AMZ1: variants seen among roughly 807,000 people sequenced by gnomAD.
The protein encoded by AMZ1 is archaelysin family metallopeptidase 1.
A neutral mutation model predicts 29.9 loss-of-function variants in AMZ1; 39 were observed. The observed-to-expected ratio is 1.30, with a 90% confidence interval of 1.01 to 1.70. The LOEUF is 1.70. AMZ1 is among the 40% of genes most tolerant of loss of function. The pLI is 0.00. For synonymous variants in AMZ1, 458 were observed against 304.0 expected (o/e 1.51, Z -5.27); for missense variants, 1,041 against 680.6 (o/e 1.53, Z -5.89).
chr7:2,750,721 C>A (rs534912959), intron 4 of AMZ1, among the ~76,000 whole-genome samples: 2 of 152,220 alleles, frequency 1.3e-5, no homozygotes, highest in East Asian at 3.9e-4. Context: ...GGCATGTTAA[C>A]AGACACACAC....
At chr7:2,721,827 T>C (rs911732656), downstream of AMZ1, among the ~76,000 whole-genome samples, 4 of 152,116 alleles carry the variant, frequency 2.6e-5, no homozygotes, top group African/African-American at 9.7e-5. Flanking sequence ...AGGTGTAATT[T>C]AAGGCACATT....
At chr7:2,680,784 C>T (rs1029801242) in intron 1 of AMZ1, among the ~76,000 whole-genome samples, 1 of 152,266 alleles carries the variant, frequency 6.6e-6, no homozygotes, top group Non-Finnish European at 1.5e-5. Context: ...TCACTGGGGG[C>T]TCCTTCCCAG....
intron 6 of AMZ1, among the ~76,000 whole-genome samples, chr7:2,711,626 G>T (rs1182027860): frequency 6.6e-6 from 1 of 152,162 alleles, no homozygotes; most frequent in Non-Finnish European, 1.5e-5. Flanking sequence ...TCACTATGTT[G>T]CCCAGGCTGG....
chr7:2,718,654 C>T lies in AMZ1; in HGVS notation c.*5776C>T, dbSNP rs966774646. Among the ~76,000 whole-genome samples the T allele has an allele frequency of 3.3e-5, 5 of 152,236 alleles. No homozygotes were observed. Among genetic ancestry groups the T allele is most frequent in the Admixed American group, 2.6e-4 (4 of 15,280 alleles). ...GCTTTCAGCAGCAGAAGGCAGTGGA[C>T]TCTTCACCATTTCTTCCAACACTTT... On this transcript the variant is annotated 3_prime_UTR_variant, in exon 7 of 7. Transcript: ENST00000683327.
rs1176603610 is a variant in AMZ1, at chr7:2,702,843, C to T, written c.426C>T (p.Cys142=). ...CGGTGGCAGCCGCGTCCATCCGCTG[C>T]TCCTCGCGGCCCAGCCGGGACTCTG... is the stretch of plus-strand genomic sequence containing the variant. The part of the protein sequence containing the change: ...LPSVAAASIR[C]SSRPSRDSDR... Residue 142 remains cysteine (C), a synonymous_variant, in exon 3 of 7, where the codon TGC becomes TGT. Coordinates refer to ENST00000683327, the MANE Select transcript of AMZ1 (RefSeq NM_001384743.1). 2 of 1,581,210 alleles carry T rather than the reference C, an allele frequency of 1.3e-6. No homozygotes were observed. Among genetic ancestry groups the T allele is most frequent in the East Asian group, 2.3e-5 (1 of 43,368 alleles).
rs899444539 is a variant in AMZ1, at chr7:2,708,816, C to T, written c.601+100C>T. On this transcript the variant is annotated intron_variant, in intron 4 of 6. Transcript: ENST00000683327. ...CCCTCTTTGCTTTTGCTTCAAGCAC[C>T]CTCCTGGTGGAAGTCAACACCTGTG... is the stretch of plus-strand genomic sequence containing the variant. 7.5e-5 allele frequency: 117 copies of T among 1,562,640 alleles called. 1 individual carries two copies. Among genetic ancestry groups the T allele is most frequent in the South Asian group, 5.8e-4 (51 of 88,292 alleles).
At chr7:2,740,481 G>A (rs1790444914) in intron 4 of AMZ1, among the ~76,000 whole-genome samples, 1 of 152,176 alleles carries the variant, frequency 6.6e-6, no homozygotes, top group Non-Finnish European at 1.5e-5. Flanking sequence ...TGATGGTGCT[G>A]CCACCCAGAT....
At chr7:2,734,179 G>A (rs1278107781) in intron 4 of AMZ1, among the ~76,000 whole-genome samples, 3 of 152,184 alleles carry the variant, frequency 2.0e-5, no homozygotes, top group Non-Finnish European at 4.4e-5. Context: ...CCAGGACCCC[G>A]TTTCAGGAAG....
chr7:2,708,580 C>T lies in AMZ1; in HGVS notation c.473-8C>T, dbSNP rs201120582. The T allele has an allele frequency of 3.1e-6, 5 of 1,611,974 alleles. No individual in the cohort carries two copies. Among genetic ancestry groups the T allele is most frequent in the Non-Finnish European group, 4.2e-6 (5 of 1,179,864 alleles). ...TCCTGACCCCATCCTCTGGCCCTCT[C>T]CCCGCAGACGGCATCCTGTCCTTCT... On this transcript the variant is annotated splice_region_variant and splice_polypyrimidine_tract_variant and intron_variant, in intron 3 of 6. Transcript: ENST00000683327.
intron 4 of AMZ1, among the ~76,000 whole-genome samples, chr7:2,758,629 C>A (rs550017337): frequency 2.6e-5 from 4 of 152,276 alleles, no homozygotes; most frequent in Middle Eastern, 3.4e-3. Context: ...GGGGGAACCC[C>A]TGAAAGGGTC....
At chr7:2,734,975 G>A (rs960011287) in intron 4 of AMZ1, among the ~76,000 whole-genome samples, 3 of 152,156 alleles carry the variant, frequency 2.0e-5, no homozygotes, top group African/African-American at 7.2e-5. Context: ...CCAAGCCCCC[G>A]TGATGTGGGA....
intron 4 of AMZ1, among the ~76,000 whole-genome samples, chr7:2,749,758 A>G (rs1170470002): frequency 6.6e-6 from 1 of 152,170 alleles, no homozygotes; most frequent in Non-Finnish European, 1.5e-5. Flanking sequence ...CAACATCTGA[A>G]ATTTTAAAAT....
At chr7:2,719,828 C>T (rs965415216), downstream of AMZ1, among the ~76,000 whole-genome samples, 1 of 151,958 alleles carries the variant, frequency 6.6e-6, no homozygotes, top group Non-Finnish European at 1.5e-5. Flanking sequence ...TTACAGGTGC[C>T]TGCCACACCA....
At chr7:2,722,365 C>T (rs528288172), downstream of AMZ1, among the ~76,000 whole-genome samples, 199 of 152,190 alleles carry the variant, frequency 1.3e-3, 2 homozygotes, top group African/African-American at 4.4e-3. Flanking sequence ...CTCTGCCTCC[C>T]GGGTTCATGC....
Position 2,713,211 on chromosome 7 carries a change from C to T in AMZ1, c.*333C>T, listed in dbSNP as rs898653800. 3.0e-5 allele frequency: 6 copies of T among 202,740 alleles called. No homozygotes were observed. The highest frequency in any genetic ancestry group is 1.9e-4 in the South Asian group (1 of 5,380). The allele number at this position is 202,740 out of a possible 1,614,324, so 12.6% of individuals were successfully genotyped here. ...GGGATGTGATCATACCACTGTACTG[C>T]AGTCTGGGCCACACAGAAAGACTGT... On this transcript the variant is annotated 3_prime_UTR_variant, in exon 7 of 7. Coordinates refer to ENST00000683327, the MANE Select transcript of AMZ1 (RefSeq NM_001384743.1).
At chr7:2,711,983 G>A (rs576119665) in intron 6 of AMZ1, among the ~76,000 whole-genome samples, 1 of 152,146 alleles carries the variant, frequency 6.6e-6, no homozygotes, top group Non-Finnish European at 1.5e-5. Context: ...GGAGGGGGAG[G>A]TTGCAGTGAG....
At chr7:2,711,635 G>C (rs1365200734) in intron 6 of AMZ1, among the ~76,000 whole-genome samples, 1 of 152,154 alleles carries the variant, frequency 6.6e-6, no homozygotes, top group Non-Finnish European at 1.5e-5. Context: ...TGCCCAGGCT[G>C]GTCTTGAACT....
At chr7:2,710,780 C>A (rs755716313) in intron 6 of AMZ1, among the ~76,000 whole-genome samples, 7 of 152,320 alleles carry the variant, frequency 4.6e-5, no homozygotes. Context: ...GGGGGGAACC[C>A]AGGCGCAGCC....
At chr7:2,724,283 G>A (rs540780117), downstream of AMZ1, among the ~76,000 whole-genome samples, 7 of 152,346 alleles carry the variant, frequency 4.6e-5, no homozygotes, top group Admixed American at 2.6e-4. Flanking sequence ...ACCAGCGCCG[G>A]GCAAGGCCAG....
Sources: gnomAD v4.1 joint callset for allele counts (sites outside exome capture counted in the v4.1 genomes callset) on GRCh38, gnomAD v4.1.1 for gene constraint, MANE v1.5 for transcripts, NCBI Gene and HGNC (gene_info 2026-07-23, HGNC 2026-07-21) for gene names.